Variants in ADAM10 observed in about 807,000 individuals in gnomAD.
The protein encoded by ADAM10 is ADAM metallopeptidase domain 10, also known as disintegrin and metalloproteinase domain-containing protein 10.
Under a neutral mutation model 90.1 loss-of-function variants are expected in ADAM10, and 17 were observed. The ratio of observed to expected loss-of-function variants is 0.19; its 90% CI spans 0.13 to 0.28. The LOEUF is 0.28. Ranked by LOEUF, ADAM10 falls within the 10% of genes least tolerant of loss-of-function variation. The pLI, the probability that ADAM10 is intolerant of heterozygous loss-of-function variation, is 1.00. For synonymous variants in ADAM10, 310 were observed against 298.6 expected (o/e 1.04, Z -0.40); for missense variants, 610 against 914.3 (o/e 0.67, Z 4.29).
chr15:58,601,090 C>G (rs1895094836), intron 14 of ADAM10, among the ~76,000 whole-genome samples: 1 of 152,122 alleles, frequency 6.6e-6, no homozygotes, highest in Non-Finnish European at 1.5e-5. Flanking sequence ...TTCCTACTTT[C>G]TAAACATTTG....
chr15:58,688,786 A>ATATATATCTCTCTC, intron 2 of ADAM10, among the ~76,000 whole-genome samples: 5 of 122,378 alleles, frequency 4.1e-5, no homozygotes, highest in African/African-American at 1.8e-4. Context: ...ATATATATAT[A>ATATATATCTCTCTC]TCTCTCTCTC....
At chr15:58,686,293 C>T in intron 2 of ADAM10, 1 of 585,768 alleles carries the variant, frequency 1.7e-6, no homozygotes, top group Admixed American at 3.0e-5. Context: ...AATAGAGAAC[C>T]CAGAAAAGCC....
Position 58,610,807 on chromosome 15 carries a change from T to C in ADAM10, c.1804+192A>G, listed in dbSNP as rs79911737. ...AGCTGGCAACGTTTTGTCTAGTTTA[T>C]CATTTTTAAAACATTGTAGAGACCA... On this transcript the variant is annotated intron_variant, in intron 13 of 15. Coordinates refer to ENST00000260408, the MANE Select transcript of ADAM10 (RefSeq NM_001110.4). The C allele has an allele frequency of 4.6e-3, 2,932 of 641,434 alleles. 77 individuals carry two copies. In the African/African-American group the frequency reaches 0.046, roughly 10 times the overall value. 39.7% of individuals were successfully genotyped at this position (641,434 alleles called of 1,614,324 possible).
At chr15:58,708,894 T>G (rs999619223) in intron 2 of ADAM10, among the ~76,000 whole-genome samples, 1 of 152,198 alleles carries the variant, frequency 6.6e-6, no homozygotes, top group Non-Finnish European at 1.5e-5. Context: ...CCTGCAGAGG[T>G]ACAGAATGAC....
chr15:58,749,340 G>A, intron 1 of ADAM10, 140 bp downstream of exon 1: 4 of 1,123,620 alleles, frequency 3.6e-6, no homozygotes, highest in Non-Finnish European at 2.2e-6. Context: ...AGGGAGCGGG[G>A]AGCGCGGCCC....
chr15:58,727,207 C>CTTT (rs1567014727), intron 1 of ADAM10, among the ~76,000 whole-genome samples: 928 of 70,988 alleles, frequency 0.013, 131 homozygotes, highest in African/African-American at 0.039. Context: ...TTTTTTTTTC[C>CTTT]CAAAAACAGC....
At chr15:58,746,144 G>C (rs1435737468) in intron 1 of ADAM10, among the ~76,000 whole-genome samples, 1 of 152,220 alleles carries the variant, frequency 6.6e-6, no homozygotes, top group Non-Finnish European at 1.5e-5. Flanking sequence ...TCACCACTAA[G>C]TGGTGGATGA....
chr15:58,645,112 A>G (rs971359992), intron 6 of ADAM10, among the ~76,000 whole-genome samples: 5 of 152,262 alleles, frequency 3.3e-5, no homozygotes, highest in African/African-American at 1.2e-4. Context: ...TTGTAAAAAC[A>G]TAAACATAAA....
chr15:58,703,178 A>T (rs1157894721), intron 2 of ADAM10, among the ~76,000 whole-genome samples: 1 of 152,130 alleles, frequency 6.6e-6, no homozygotes, highest in Non-Finnish European at 1.5e-5. Context: ...AAGCTATCTG[A>T]AAACAACCAG....
At chr15:58,739,324 G>C (rs1899528401) in intron 1 of ADAM10, among the ~76,000 whole-genome samples, 1 of 146,914 alleles carries the variant, frequency 6.8e-6, no homozygotes, top group Non-Finnish European at 1.5e-5. Context: ...GGCTAACATG[G>C]TGAAACCCCG....
At chr15:58,659,784 A>G (rs1269706550) in intron 5 of ADAM10, among the ~76,000 whole-genome samples, 1 of 152,104 alleles carries the variant, frequency 6.6e-6, no homozygotes, top group African/African-American at 2.4e-5. Flanking sequence ...GCTGGAGTGC[A>G]GTGGTGCAAT....
intron 2 of ADAM10, among the ~76,000 whole-genome samples, chr15:58,688,784 A>C (rs72743081): frequency 0.14 from 16,568 of 118,816 alleles, 1,383 homozygotes; most frequent in East Asian, 0.49. Flanking sequence ...ATATATATAT[A>C]TATCTCTCTC....
chr15:58,638,562 C>A (rs1393597862), intron 8 of ADAM10, among the ~76,000 whole-genome samples: 2 of 139,532 alleles, frequency 1.4e-5, no homozygotes, highest in African/African-American at 5.4e-5. Flanking sequence ...TTGCAGTGAG[C>A]GGAGATCGCG....
intron 1 of ADAM10, among the ~76,000 whole-genome samples, chr15:58,724,962 G>A (rs983851911): frequency 4.6e-5 from 7 of 151,810 alleles, no homozygotes; most frequent in South Asian, 2.1e-4. Flanking sequence ...AGGCCAAGGC[G>A]GGTGGATTGC....
chr15:58,597,948 T>C (rs1242397532), intron 15 of ADAM10, among the ~76,000 whole-genome samples: 20 of 152,340 alleles, frequency 1.3e-4, no homozygotes, highest in African/African-American at 4.1e-4. Context: ...AAGTCTGGTA[T>C]GTATGTTAAT....
chr15:58,653,798 T>C (rs563372805), intron 5 of ADAM10, among the ~76,000 whole-genome samples: 63 of 152,294 alleles, frequency 4.1e-4, no homozygotes, highest in African/African-American at 1.4e-3. Context: ...ATTAGTTATA[T>C]TGTAAATATT....
rs867469890 is a variant in ADAM10 at position 58,591,319 on chromosome 15, A to G, written c.*6228T>C. On this transcript the variant is annotated 3_prime_UTR_variant, in exon 16 of 16. Transcript: ENST00000260408. ...TGACTGGTTCAAGTTTAATTCCACT[A>G]AAACAATCATTATGAAAATCATTAT... 2 of 152,362 alleles carry G rather than the reference A, an allele frequency of 1.3e-5. No homozygotes were observed. The highest frequency in any genetic ancestry group is 3.4e-3 in the Middle Eastern group (1 of 294). 9.4% of individuals were successfully genotyped at this position (152,362 alleles called of 1,614,324 possible). A position where few individuals can be genotyped will look rare whatever the true frequency, so the allele number is the denominator to read the frequency against.
At chr15:58,663,516 G>A (rs562336631) in intron 5 of ADAM10, among the ~76,000 whole-genome samples, 7 of 152,056 alleles carry the variant, frequency 4.6e-5, no homozygotes, top group South Asian at 2.1e-4. Flanking sequence ...CCTGTTCATC[G>A]TCTTTAAATG....
chr15:58,680,632 A>T (rs1272320478), intron 3 of ADAM10, among the ~76,000 whole-genome samples: 1 of 152,228 alleles, frequency 6.6e-6, no homozygotes, highest in Non-Finnish European at 1.5e-5. Flanking sequence ...AAATCAAATG[A>T]CATAAAGGGT....
Sources: gnomAD v4.1 joint callset for allele counts (sites outside exome capture counted in the v4.1 genomes callset) on GRCh38, gnomAD v4.1.1 for gene constraint, MANE v1.5 for transcripts, NCBI Gene and HGNC (gene_info 2026-07-23, HGNC 2026-07-21) for gene names.